NCAM2: variants seen among roughly 807,000 people sequenced by gnomAD.
NCAM2 encodes the protein N-CAM-2.
A neutral mutation model predicts 98.1 loss-of-function variants in NCAM2; 30 were observed. The observed-to-expected ratio is 0.31, with a 90% CI of 0.23 to 0.41. NCAM2 has a LOEUF of 0.41. NCAM2 is among the 10% of genes least tolerant of loss of function. The pLI, the probability that NCAM2 is intolerant of heterozygous loss-of-function variation, is 1.00. For missense variants in NCAM2, 867 were observed against 1,005.8 expected (o/e 0.86, Z 1.87); for synonymous variants, 368 against 342.4 (o/e 1.07, Z -0.83).
chr21:21,255,006 T>C (rs568646022), intron 1 of NCAM2, among the ~76,000 whole-genome samples: 1 of 152,038 alleles, frequency 6.6e-6, no homozygotes, highest in Admixed American at 6.6e-5. Flanking sequence ...TACTGAACGT[T>C]ATCAATAATT....
At chr21:21,272,988 C>T (rs1352139578) in intron 1 of NCAM2, among the ~76,000 whole-genome samples, 2 of 20,686 alleles carry the variant, frequency 9.7e-5, no homozygotes, top group African/African-American at 2.1e-4. Context: ...CACACATACA[C>T]ACACACACAC....
rs544552885 is a variant in NCAM2, at chr21:21,320,555, C to T, written c.620-3828C>T. ...CTGTTAGATCATATTACAGCATTTG[C>T]AGCAGTAGGGAAGAGCAGAACATAC... On this transcript the variant is annotated intron_variant, in intron 5 of 17. Transcript: ENST00000400546. Among the ~76,000 whole-genome samples, 558 of 152,022 alleles carry T rather than the reference C, an allele frequency of 3.7e-3. 5 individuals are homozygous for T. Among genetic ancestry groups the T allele is most frequent in the African/African-American group, 0.013 (532 of 41,470 alleles).
intron 12 of NCAM2, among the ~76,000 whole-genome samples, chr21:21,432,659 T>C (rs1316467357): frequency 6.6e-6 from 1 of 151,934 alleles, no homozygotes; most frequent in Non-Finnish European, 1.5e-5. Context: ...TACTGCAAAA[T>C]GTAGTTACCT....
At chr21:21,353,538 C>T (rs894639951) in intron 8 of NCAM2, among the ~76,000 whole-genome samples, 6 of 152,138 alleles carry the variant, frequency 3.9e-5, no homozygotes, top group Admixed American at 3.3e-4. Flanking sequence ...AGGTCTCTCA[C>T]GTCCTATGCT....
At chr21:21,172,702 G>A (rs552273312) in intron 1 of NCAM2, among the ~76,000 whole-genome samples, 18 of 152,096 alleles carry the variant, frequency 1.2e-4, no homozygotes, top group African/African-American at 4.1e-4. Flanking sequence ...AGCTGCAGGC[G>A]ATTCATTAAT....
chr21:21,114,241 T>C (rs888618858), intron 1 of NCAM2, among the ~76,000 whole-genome samples: 4 of 152,176 alleles, frequency 2.6e-5, no homozygotes, highest in Non-Finnish European at 5.9e-5. Flanking sequence ...CTCATGAGAC[T>C]CTCCAGGCAT....
chr21:21,465,446 C>A (rs1226353410), intron 12 of NCAM2, among the ~76,000 whole-genome samples: 1 of 151,368 alleles, frequency 6.6e-6, no homozygotes, highest in Non-Finnish European at 1.5e-5. Flanking sequence ...TAAATAAATA[C>A]CATGATCATA....
In NCAM2 at chr21:21,052,150, A is replaced by ATTTTTTTTTT. The variant is rs5842877; in HGVS notation, c.55+53548_55+53557dup. Among the ~76,000 whole-genome samples, 8 of 74,806 alleles carry ATTTTTTTTTT rather than the reference A, an allele frequency of 1.1e-4. 1 individual carries two copies. Among genetic ancestry groups the ATTTTTTTTTT allele is most frequent in the African/African-American group, 4.7e-4 (8 of 17,170 alleles). 49.1% of individuals were successfully genotyped at this position (74,806 alleles called of 152,430 possible). A position where few individuals can be genotyped will look rare whatever the true frequency, so the allele number is the denominator to read the frequency against. On this transcript the variant is annotated intron_variant, in intron 1 of 17. Coordinates refer to ENST00000400546, the MANE Select transcript of NCAM2 (RefSeq NM_004540.5). ...ATGAGAACTCAAACTCATGATGGCC[A>ATTTTTTTTTT]TTTTTTTTTTTTTTTTTTTTTTTTT...
At chr21:21,330,828 C>T (rs1313352492) in intron 6 of NCAM2, among the ~76,000 whole-genome samples, 2 of 151,956 alleles carry the variant, frequency 1.3e-5, no homozygotes, top group Non-Finnish European at 2.9e-5. Flanking sequence ...AACTTTGTTT[C>T]AGTCTTTTTC....
chr21:21,212,489 G>T (rs1169909700), intron 1 of NCAM2, among the ~76,000 whole-genome samples: 2 of 152,152 alleles, frequency 1.3e-5, no homozygotes, highest in Admixed American at 1.3e-4. Flanking sequence ...TGTGACTATG[G>T]TGGTAGACAT....
chr21:21,040,927 A>G, intron 1 of NCAM2, among the ~76,000 whole-genome samples: 1 of 152,202 alleles, frequency 6.6e-6, no homozygotes, highest in East Asian at 1.9e-4. Flanking sequence ...AGGATTTTGA[A>G]TATTCCAAAT....
intron 11 of NCAM2, among the ~76,000 whole-genome samples, chr21:21,423,386 G>T (rs543925880): frequency 6.6e-6 from 1 of 152,228 alleles, no homozygotes; most frequent in East Asian, 1.9e-4. Context: ...CAAATATTAG[G>T]TAGGTATTAT....
intron 1 of NCAM2, among the ~76,000 whole-genome samples, chr21:21,217,658 C>T (rs543535397): frequency 2.4e-4 from 37 of 152,128 alleles, no homozygotes; most frequent in African/African-American, 8.7e-4. Context: ...TGATTTTAAA[C>T]TAGAGAGGTT....
chr21:21,482,026 A>T (rs1378549668), intron 15 of NCAM2, among the ~76,000 whole-genome samples: 1 of 151,926 alleles, frequency 6.6e-6, no homozygotes, highest in Non-Finnish European at 1.5e-5. Flanking sequence ...TGAACCCGGG[A>T]GTTGGAGGTT....
intron 1 of NCAM2, among the ~76,000 whole-genome samples, chr21:21,202,597 G>A (rs2069277176): frequency 6.6e-6 from 1 of 151,686 alleles, no homozygotes; most frequent in East Asian, 2.0e-4. Context: ...TGCATTTTTA[G>A]TAGAGACGGG....
rs190388104 is a variant in NCAM2, at chr21:21,467,928, G to T, written c.1775-734G>T. Among the ~76,000 whole-genome samples the T allele has an allele frequency of 1.1e-3, 171 of 151,994 alleles. 1 individual carries two copies. The highest frequency in any genetic ancestry group is 3.5e-4 in the Non-Finnish European group (24 of 67,922). ...ATAACCTGCTGAGAAGAAATAACAGGTCATGCCGGTTTAGAGATATGAAAT... is the reference window on the plus strand; with the variant it reads ...ATAACCTGCTGAGAAGAAATAACAGTTCATGCCGGTTTAGAGATATGAAAT... On this transcript the variant is annotated intron_variant, in intron 13 of 17. Transcript: ENST00000400546.
chr21:21,507,164 A>G (rs983365134), intron 15 of NCAM2, among the ~76,000 whole-genome samples: 1 of 152,078 alleles, frequency 6.6e-6, no homozygotes, highest in Non-Finnish European at 1.5e-5. Context: ...CAGAACTAGT[A>G]TTCAGACAAG....
intron 1 of NCAM2, among the ~76,000 whole-genome samples, chr21:21,097,990 T>C: frequency 4.9e-5 from 1 of 20,406 alleles, no homozygotes; most frequent in East Asian, 3.2e-3. Flanking sequence ...CACTGTAGGT[T>C]TTTCTTATTA....
intron 9 of NCAM2, among the ~76,000 whole-genome samples, chr21:21,399,656 G>C (rs1280689581): frequency 6.6e-6 from 1 of 152,022 alleles, no homozygotes; most frequent in East Asian, 1.9e-4. Flanking sequence ...GAGTTTTATA[G>C]TGAGTTACCT....
Sources: allele counts gnomAD v4.1 joint callset (sites outside exome capture counted in the v4.1 genomes callset), GRCh38; gene constraint gnomAD v4.1.1; transcripts MANE v1.5; gene names NCBI Gene and HGNC (gene_info 2026-07-23, HGNC 2026-07-21).